NELL2: variants seen among roughly 807,000 people sequenced by gnomAD.
NELL2 encodes the protein neural EGFL like 2.
In NELL2, 41 loss-of-function variants were observed where a neutral mutation model predicts 109.6. The ratio of observed to expected loss-of-function variants is 0.37; its 90% CI spans 0.29 to 0.49. The LOEUF is 0.49. Ranked by LOEUF, NELL2 falls within the 20% of genes least tolerant of loss-of-function variation. NELL2 has a pLI of 0.98. For synonymous variants in NELL2, 355 were observed against 344.7 expected (o/e 1.03, Z -0.33); for missense variants, 900 against 1,008.3 (o/e 0.89, Z 1.45).
chr12:44,745,724 G>A (rs1244052513), intron 9 of NELL2, among the ~76,000 whole-genome samples: 2 of 152,006 alleles, frequency 1.3e-5, no homozygotes, highest in Admixed American at 6.6e-5. Context: ...AAAATACCTG[G>A]GAATCCAACT....
intron 2 of NELL2, among the ~76,000 whole-genome samples, chr12:44,825,314 G>A (rs922977347): frequency 6.6e-6 from 1 of 151,242 alleles, no homozygotes; most frequent in African/African-American, 2.4e-5. Context: ...TCATTGTAGA[G>A]GTCTTTCACC....
intron 13 of NELL2, among the ~76,000 whole-genome samples, chr12:44,621,210 A>G (rs1946046486): frequency 1.3e-5 from 2 of 151,988 alleles, no homozygotes; most frequent in Middle Eastern, 3.4e-3. Flanking sequence ...TAACTCTTCT[A>G]CTCACCTCCC....
intron 2 of NELL2, among the ~76,000 whole-genome samples, chr12:44,817,016 T>C (rs1011626429): frequency 1.3e-5 from 2 of 152,238 alleles, no homozygotes; most frequent in East Asian, 3.8e-4. Context: ...TGTATTGTGA[T>C]CAAATTACTC....
At chr12:44,682,368 T>G (rs1010181819) in intron 12 of NELL2, among the ~76,000 whole-genome samples, 6 of 151,614 alleles carry the variant, frequency 4.0e-5, no homozygotes, top group African/African-American at 1.5e-4. Flanking sequence ...TTTTGTGGGT[T>G]GCCTGTTCAC....
chr12:44,900,564 C>T (rs899769153), intron 1 of NELL2, among the ~76,000 whole-genome samples: 11 of 151,902 alleles, frequency 7.2e-5, no homozygotes, highest in Non-Finnish European at 1.5e-4. Flanking sequence ...TTGAAACCAA[C>T]GAGAATGAAG....
chr12:44,867,457 T>C (rs1272669141), intron 2 of NELL2, among the ~76,000 whole-genome samples: 5 of 152,140 alleles, frequency 3.3e-5, no homozygotes, highest in Non-Finnish European at 7.4e-5. Context: ...TCTCAATAAA[T>C]GTATAGAAGA....
chr12:44,521,485 G>C (rs1428863457), intron 18 of NELL2, among the ~76,000 whole-genome samples: 62 of 148,230 alleles, frequency 4.2e-4, no homozygotes, highest in South Asian at 2.4e-3. Context: ...AGCCGAGATG[G>C]TGCCACTGCA....
intron 3 of NELL2, among the ~76,000 whole-genome samples, chr12:44,792,426 T>C (rs138335531): frequency 2.6e-5 from 4 of 151,882 alleles, no homozygotes; most frequent in African/African-American, 9.6e-5. Flanking sequence ...AAAGGGAAAT[T>C]AGCCAAAATT....
intron 15 of NELL2, among the ~76,000 whole-genome samples, chr12:44,545,114 T>C (rs1942739985): frequency 6.6e-6 from 1 of 152,088 alleles, no homozygotes; most frequent in Non-Finnish European, 1.5e-5. Flanking sequence ...TATTTTAAAA[T>C]AAATATTTCT....
chr12:44,846,289 T>A (rs1039737224), intron 2 of NELL2, among the ~76,000 whole-genome samples: 1 of 152,222 alleles, frequency 6.6e-6, no homozygotes, highest in East Asian at 1.9e-4. Context: ...ATGATGCACT[T>A]ACAATAAGGA....
chr12:44,790,598 AC>A (rs1218444199), intron 3 of NELL2, among the ~76,000 whole-genome samples: 14 of 151,772 alleles, frequency 9.2e-5, no homozygotes, highest in Admixed American at 7.9e-4. Context: ...AACAACAACA[AC>A]AACAAAAAAA....
intron 2 of NELL2, among the ~76,000 whole-genome samples, chr12:44,824,961 C>T (rs910446008): frequency 3.9e-4 from 60 of 152,168 alleles, no homozygotes; most frequent in African/African-American, 6.3e-4. Flanking sequence ...CCACCCATCT[C>T]GGCCTCCCAA....
chr12:44,819,183 A>G (rs1943459629), intron 2 of NELL2, among the ~76,000 whole-genome samples: 1 of 152,244 alleles, frequency 6.6e-6, no homozygotes, highest in African/African-American at 2.4e-5. Flanking sequence ...GGTTGAAAAC[A>G]TGGTGAAGGA....
intron 15 of NELL2, among the ~76,000 whole-genome samples, chr12:44,587,968 G>A (rs76507527): frequency 0.036 from 5,539 of 152,094 alleles, 149 homozygotes; most frequent in Middle Eastern, 0.058. Context: ...TGGCTAACAT[G>A]GTGAAACCCC....
chr12:44,660,882 T>G (rs1478047471), intron 13 of NELL2, among the ~76,000 whole-genome samples: 1 of 152,112 alleles, frequency 6.6e-6, no homozygotes, highest in Non-Finnish European at 1.5e-5. Flanking sequence ...AGGAGAGGGT[T>G]CTCCTCCACT....
chr12:44,737,639 G>A (rs1160123480), intron 9 of NELL2, among the ~76,000 whole-genome samples: 1 of 151,964 alleles, frequency 6.6e-6, no homozygotes, highest in Non-Finnish European at 1.5e-5. Flanking sequence ...CACAACAATT[G>A]TGATCAACCT....
chr12:44,620,038 C>A (rs1328351210), intron 13 of NELL2, among the ~76,000 whole-genome samples: 1 of 151,644 alleles, frequency 6.6e-6, no homozygotes, highest in East Asian at 1.9e-4. Flanking sequence ...ACCTAGGCAA[C>A]TGGGAAGGTG....
At chr12:44,593,168 T>C (rs1268548884) in intron 15 of NELL2, among the ~76,000 whole-genome samples, 1 of 152,160 alleles carries the variant, frequency 6.6e-6, no homozygotes, top group African/African-American at 2.4e-5. Flanking sequence ...TATAGCCCCT[T>C]GGGAGTGGGA....
At chr12:44,626,675 C>T (rs1852013613) in intron 13 of NELL2, among the ~76,000 whole-genome samples, 2 of 152,124 alleles carry the variant, frequency 1.3e-5, no homozygotes, top group African/African-American at 4.8e-5. Flanking sequence ...AAATTGGACC[C>T]TGTCGGCTGC....
Sources: gnomAD v4.1 joint callset for allele counts (sites outside exome capture counted in the v4.1 genomes callset) on GRCh38, gnomAD v4.1.1 for gene constraint, MANE v1.5 for transcripts, NCBI Gene and HGNC (gene_info 2026-07-23, HGNC 2026-07-21) for gene names.